The following LRP12 variants were observed in gnomAD, a reference collection of about 807,000 sequenced individuals.
The protein encoded by LRP12 is LDL receptor related protein 12.
In LRP12, 14 loss-of-function variants were observed where a neutral mutation model predicts 66.0. The ratio of observed to expected loss-of-function variants is 0.21; its 90% CI spans 0.14 to 0.33. LRP12 has a LOEUF of 0.33. LRP12 is among the 10% of genes least tolerant of loss of function. The pLI is 1.00. For synonymous variants in LRP12, 357 were observed against 359.1 expected, an observed-to-expected ratio of 0.99 and a Z score of 0.07; for missense variants, 889 against 1,053.4, an observed-to-expected ratio of 0.84 and a Z score of 2.16.
intron 2 of LRP12, among the ~76,000 whole-genome samples, chr8:104,528,280 A>G (rs1312965849): frequency 6.6e-6 from 1 of 152,208 alleles, no homozygotes; most frequent in East Asian, 1.9e-4. Flanking sequence ...ATGGCAGCAC[A>G]GAATACTGAA....
chr8:104,497,148 C>A lies in LRP12; in HGVS notation c.1404G>T (p.Trp468Cys). The A allele has an allele frequency of 6.2e-7, 1 of 1,611,490 alleles. No homozygotes were observed. Among genetic ancestry groups the A allele is most frequent in the South Asian group, 1.1e-5 (1 of 90,496 alleles). ...CKNNRCVFES[W>C]VCDSQDDCGD... is the part of the protein sequence containing the mutation. ...CACAGTCATCTTGAGAATCACACAC[C>A]CAACTTTCAAACACACAACGATTGT... Residue 468 changes from tryptophan (W) to cysteine (C), a missense_variant, in exon 5 of 7, where the codon TGG becomes TGT. By Grantham distance (215) the Trp-to-Cys change is radical (BLOSUM62 -2). This residue lies in a region of LRP12 where 800 missense variants were observed against 964.5 expected (regional missense o/e 0.83). Transcript: ENST00000276654. The surrounding 1 kb of genome is among the most constrained non-coding windows in gnomAD (Gnocchi z 4.3).
chr8:104,548,640 A>G lies in LRP12; in HGVS notation c.80-16677T>C, dbSNP rs1294967364. On this transcript the variant is annotated intron_variant, in intron 1 of 6. Coordinates refer to ENST00000276654, the MANE Select transcript of LRP12 (RefSeq NM_013437.5). ...TTAATTATATAATTATTATATAATTAAATTAATTATATAATTATTATATAA... is the reference window on the plus strand; with the variant it reads ...TTAATTATATAATTATTATATAATTGAATTAATTATATAATTATTATATAA... Among the ~76,000 whole-genome samples the G allele has an allele frequency of 6.2e-5, 9 of 144,504 alleles. 1 individual carries two copies. The highest frequency in any genetic ancestry group is 1.3e-4 in the African/African-American group (5 of 39,654). The allele number at this position is 144,504 out of a possible 152,430, so 94.8% of individuals were successfully genotyped here. A position where few individuals can be genotyped will look rare whatever the true frequency, so the allele number is the denominator to read the frequency against.
rs1812236611 is a variant in LRP12 at position 104,580,653 on chromosome 8, C to CAT, written c.79+8164_79+8165dup. 4.6e-5 allele frequency among the ~76,000 whole-genome samples: 7 copies of CAT among 152,190 alleles called. No individual in the cohort carries two copies. In the South Asian group the frequency reaches 1.5e-3, roughly 32 times the overall value. ...GACATGAACACTTTTCAAAAAAAGA[C>CAT]ATACATACAGCCAACAATCATATGA... On this transcript the variant is annotated intron_variant, in intron 1 of 6. Transcript: ENST00000276654.
chr8:104,506,715 C>CTGG (rs1810915159), intron 3 of LRP12: 1 of 152,094 alleles, frequency 6.6e-6, no homozygotes, highest in Admixed American at 6.6e-5. Context: ...AAGCAGGGTG[C>CTGG]TGGTATTCAA....
At chr8:104,547,060 T>A (rs1247357505) in intron 1 of LRP12, among the ~76,000 whole-genome samples, 1 of 144,334 alleles carries the variant, frequency 6.9e-6, no homozygotes, top group South Asian at 2.1e-4. Flanking sequence ...TATTATATCA[T>A]ACTTTGTATA....
intron 1 of LRP12, among the ~76,000 whole-genome samples, chr8:104,566,846 TAA>T (rs373760547): frequency 1.7e-4 from 26 of 152,236 alleles, no homozygotes; most frequent in African/African-American, 4.3e-4. Context: ...ATGTAAATAA[TAA>T]GAGTGAATAT....
rs1485117181 is a variant in LRP12, at chr8:104,582,535, G to A, written c.79+6284C>T. On this transcript the variant is annotated intron_variant, in intron 1 of 6. Transcript: ENST00000276654. ...CATTTAACTTTGGCAAAAAGGTATTGGAAATCCAGCTTTTGCTCCACCCTT... is the reference window on the plus strand; with the variant it reads ...CATTTAACTTTGGCAAAAAGGTATTAGAAATCCAGCTTTTGCTCCACCCTT... Among the ~76,000 whole-genome samples, 11 of 152,140 alleles carry A rather than the reference G, an allele frequency of 7.2e-5. 1 individual carries two copies. Among genetic ancestry groups the A allele is most frequent in the Admixed American group, 7.2e-4 (11 of 15,284 alleles).
chr8:104,548,176 A>AAT (rs1165352485), intron 1 of LRP12, among the ~76,000 whole-genome samples: 2 of 99,524 alleles, frequency 2.0e-5, no homozygotes, highest in Non-Finnish European at 3.5e-5. Flanking sequence ...TATATAATAT[A>AAT]ATATATAATA....
At chr8:104,586,789 T>TA (rs968531016) in intron 1 of LRP12, among the ~76,000 whole-genome samples, 2 of 152,116 alleles carry the variant, frequency 1.3e-5, no homozygotes, top group African/African-American at 2.4e-5. Context: ...GGGTTCCCTT[T>TA]AATCTCTGCT....
At chr8:104,548,600 A>C (rs1811672569) in intron 1 of LRP12, among the ~76,000 whole-genome samples, 1 of 112,842 alleles carries the variant, frequency 8.9e-6, no homozygotes, top group African/African-American at 3.7e-5. Context: ...TATAATATAG[A>C]ATTATATAAT....
chr8:104,551,656 CA>C (rs1335676750), intron 1 of LRP12, among the ~76,000 whole-genome samples: 3 of 152,160 alleles, frequency 2.0e-5, no homozygotes, highest in East Asian at 1.9e-4. Context: ...TTATGGCCTC[CA>C]GCTGCATTCA....
intron 3 of LRP12, chr8:104,506,254 G>A (rs1810904369): frequency 6.6e-6 from 1 of 151,862 alleles, no homozygotes; most frequent in Non-Finnish European, 1.5e-5. Context: ...GAATACATAG[G>A]TTTTACCAGA....
At chr8:104,492,655 T>C (rs1810655225) in intron 6 of LRP12, among the ~76,000 whole-genome samples, 1 of 152,180 alleles carries the variant, frequency 6.6e-6, no homozygotes, top group Non-Finnish European at 1.5e-5. Flanking sequence ...CATTTATTTA[T>C]GCTTTCCATA....
chr8:104,496,451 CCT>C (rs1238964649), intron 5 of LRP12, among the ~76,000 whole-genome samples: 1 of 151,826 alleles, frequency 6.6e-6, no homozygotes, highest in Non-Finnish European at 1.5e-5. Flanking sequence ...AGCCTTTCTG[CCT>C]CTCTCCCTCA....
Position 104,490,732 on chromosome 8 carries a change from A to C in LRP12, c.2521T>G (p.Cys841Gly). 2 of 1,613,966 alleles carry C rather than the reference A, an allele frequency of 1.2e-6. No individual in the cohort carries two copies. The highest frequency in any genetic ancestry group is 1.7e-6 in the Non-Finnish European group (2 of 1,179,972). ...TCGTTTTTCAGTGTTACTTCTAAGC[A>C]AGTGTCTGGTATCTGGGCAGTGTGG... ...IVHTAQIPDT[C>G]LEVTLKNETS... is the part of the protein sequence containing the mutation. Residue 841 changes from cysteine to glycine, a missense_variant, in exon 7 of 7, where the codon TGC becomes GGC. By Grantham distance (159) the Cys-to-Gly change is radical. This residue lies in a region of LRP12 where 800 missense variants were observed against 964.5 expected (regional missense o/e 0.83). Transcript: ENST00000276654.
chr8:104,560,822 T>C (rs1811895310), intron 1 of LRP12, among the ~76,000 whole-genome samples: 1 of 152,108 alleles, frequency 6.6e-6, no homozygotes, highest in Non-Finnish European at 1.5e-5. Flanking sequence ...AGTCTCGAGA[T>C]TTCATTTGGT....
chr8:104,548,354 A>AT (rs1811658843), intron 1 of LRP12, among the ~76,000 whole-genome samples: 1 of 56,992 alleles, frequency 1.8e-5, no homozygotes, highest in African/African-American at 1.1e-4. Context: ...TAAATATATA[A>AT]TATATATTAT....
intron 2 of LRP12, among the ~76,000 whole-genome samples, chr8:104,519,237 AT>A (rs753849126): frequency 1.7e-4 from 26 of 152,204 alleles, no homozygotes; most frequent in Non-Finnish European, 2.4e-4. Context: ...AAGCTGCGTT[AT>A]AATGTGAATG....
chr8:104,546,905 AT>A (rs1811568801), intron 1 of LRP12, among the ~76,000 whole-genome samples: 3 of 143,306 alleles, frequency 2.1e-5, no homozygotes, highest in South Asian at 2.1e-4. Flanking sequence ...ATTATTATAT[AT>A]ATTATATAAT....
Sources: gnomAD v4.1 joint callset for allele counts (sites outside exome capture counted in the v4.1 genomes callset) on GRCh38, gnomAD v4.1.1 for gene constraint, gnomAD v4.1.1 regional missense constraint, Gnocchi (gnomAD v3.1) non-coding constraint, MANE v1.5 for transcripts, NCBI Gene and HGNC (gene_info 2026-07-23, HGNC 2026-07-21) for gene names.